SLC35A5: variants seen among roughly 807,000 people sequenced by gnomAD.
The protein encoded by SLC35A5 is UDP-sugar transporter protein SLC35A5.
SLC35A5 carries 28 observed loss-of-function variants against 36.3 expected under a neutral mutation model. That is an observed-to-expected ratio of 0.77 (90% CI 0.57 to 1.06). The LOEUF (loss-of-function observed/expected upper bound fraction) is 1.06. Among genes scored for constraint, SLC35A5 ranks in the 50% least tolerant of loss-of-function variants. SLC35A5 has a pLI of 0.00. For missense variants in SLC35A5, 521 were observed against 499.3 expected, an observed-to-expected ratio of 1.04 and a Z score of -0.41; for synonymous variants, 180 against 173.7, an observed-to-expected ratio of 1.04 and a Z score of -0.29.
intron 1 of SLC35A5, among the ~76,000 whole-genome samples, chr3:112,562,633 C>T (rs975440858): frequency 9.8e-5 from 15 of 152,360 alleles, no homozygotes; most frequent in Non-Finnish European, 1.5e-5. Flanking sequence ...TAAAACTTTA[C>T]AGCAGTGTTT....
At chr3:112,563,672 A>G (rs1934056194) in intron 2 of SLC35A5, 139 bp downstream of exon 2, 2 of 947,486 alleles carry the variant, frequency 2.1e-6, no homozygotes, top group Admixed American at 3.5e-5. Context: ...TTTAAATTTG[A>G]TTATTTAACC....
rs1304162428 is a variant in SLC35A5, at chr3:112,568,532, C to T, written c.131-639C>T. ...CAGTTTAGGATGTAGCTTTCCAACT[C>T]ATCAGTGGGTTTGGATGTGTCCAAG... On this transcript the variant is annotated intron_variant, in intron 2 of 6. Coordinates refer to ENST00000492406, the MANE Select transcript of SLC35A5 (RefSeq NM_017945.5). 2.6e-5 allele frequency among the ~76,000 whole-genome samples: 4 copies of T among 152,228 alleles called. No homozygotes were observed. The East Asian group carries it at 7.7e-4, about 29-fold the overall frequency.
At position 112,583,973 on chromosome 3, in the gene SLC35A5, A is replaced by G. The variant is rs1281118115; in HGVS notation, c.*1237A>G. The G allele has an allele frequency of 6.6e-6, 1 of 152,156 alleles. No homozygotes were observed. Among genetic ancestry groups the G allele is most frequent in the Non-Finnish European group, 1.5e-5 (1 of 68,026 alleles). The allele number at this position is 152,156 out of a possible 1,614,324, so 9.4% of individuals were successfully genotyped here. On this transcript the variant is annotated 3_prime_UTR_variant, in exon 7 of 7. Coordinates refer to ENST00000492406, the MANE Select transcript of SLC35A5 (RefSeq NM_017945.5). ...GGCCTGTATGTTTACAGACTACCAT[A>G]CTGTAAATATGAGCTTTATGGTGTC...
At chr3:112,571,315 G>T (rs943486331) in intron 4 of SLC35A5, among the ~76,000 whole-genome samples, 1 of 152,098 alleles carries the variant, frequency 6.6e-6, no homozygotes, top group African/African-American at 2.4e-5. Context: ...TTATTACTCA[G>T]TTTGGGTCAC....
At chr3:112,578,837 T>C (rs1934772328) in intron 5 of SLC35A5, among the ~76,000 whole-genome samples, 1 of 152,114 alleles carries the variant, frequency 6.6e-6, no homozygotes, top group Non-Finnish European at 1.5e-5. Context: ...CGATTTGCAA[T>C]AATTAATTAT....
chr3:112,580,988 G>C lies in SLC35A5; in HGVS notation c.871G>C (p.Asp291His), dbSNP rs1268993601. 1 of 1,614,008 alleles carries C rather than the reference G, an allele frequency of 6.2e-7. No individual in the cohort carries two copies. The highest frequency in any genetic ancestry group is 1.3e-5 in the African/African-American group (1 of 74,928). The change falls in exon 6 of 7, where the codon GAT (aspartate) becomes CAT (histidine). Residue 291 changes from aspartate (D) to histidine (H), a missense_variant. Asp to His is a moderately conservative substitution (Grantham distance 81, BLOSUM62 -1). Coordinates refer to ENST00000492406, the MANE Select transcript of SLC35A5 (RefSeq NM_017945.5). ...TCTGGGCCTTCAGAGGAGTAACCGT[G>C]ATCAGATTAAGAACTGTGGATTTTT... Reference protein sequence around the residue: ...LTLGLQRSNRDQIKNCGFFYG... With the variant: ...LTLGLQRSNRHQIKNCGFFYG...
In SLC35A5 at chr3:112,569,246, TGTCATTCTGTGTTATA is replaced by T; in HGVS notation, c.207_222del (p.Ser70ArgfsTer9). 6.2e-7 allele frequency: 1 copy of T among 1,613,960 alleles called. No homozygotes were observed. The highest frequency in any genetic ancestry group is 8.5e-7 in the Non-Finnish European group (1 of 1,179,888). Reference sequence around the variant, plus strand: ...GTGAAGCTAGTTTTCTGTGTGCTTGTGTCATTCTGTGTTATAAAGAAAGGTAAGTCTTGAAATGGTA... The same window carrying T: ...GTGAAGCTAGTTTTCTGTGTGCTTGTAAGAAAGGTAAGTCTTGAAATGGTA... On this transcript the variant is annotated frameshift_variant, in exon 3 of 7. Coordinates refer to ENST00000492406, the MANE Select transcript of SLC35A5 (RefSeq NM_017945.5). LOFTEE classifies it high-confidence loss of function.
intron 4 of SLC35A5, 133 bp downstream of exon 4, chr3:112,570,803 C>G: frequency 1.2e-6 from 1 of 844,002 alleles, no homozygotes. Context: ...GAGATTTCCC[C>G]AGAATTATCT....
At position 112,570,596 on chromosome 3, in the gene SLC35A5, A is replaced by G; in HGVS notation, c.286A>G (p.Lys96Glu). Reference protein sequence around the residue: ...ASWKEFSDFMKWSIPAFLYFL... With the variant: ...ASWKEFSDFMEWSIPAFLYFL... ...CTGGAAGGAATTCTCTGATTTCATGAAGTGGTCCATTCCTGCCTTTCTTTA... is the reference window on the plus strand; with the variant it reads ...CTGGAAGGAATTCTCTGATTTCATGGAGTGGTCCATTCCTGCCTTTCTTTA... Residue 96 changes from lysine (K) to glutamate (E), a missense_variant, in exon 4 of 7, where the codon AAG becomes GAG. Lys to Glu is a moderately conservative substitution (Grantham distance 56). Transcript: ENST00000492406. 2 of 1,613,236 alleles carry G rather than the reference A, an allele frequency of 1.2e-6. No homozygotes were observed. The highest frequency in any genetic ancestry group is 1.7e-6 in the Non-Finnish European group (2 of 1,179,558).
At chr3:112,568,618 G>GT in intron 2 of SLC35A5, among the ~76,000 whole-genome samples, 1 of 152,270 alleles carries the variant, frequency 6.6e-6, no homozygotes, top group East Asian at 1.9e-4. Flanking sequence ...GCCTTAGATA[G>GT]TTTCCTTCTT....
At position 112,583,213 on chromosome 3, in the gene SLC35A5, C is replaced by T. The variant is rs572541826; in HGVS notation, c.*477C>T. 8.6e-5 allele frequency: 34 copies of T among 397,608 alleles called. No homozygotes were observed. Among genetic ancestry groups the T allele is most frequent in the South Asian group, 5.1e-4 (4 of 7,788 alleles). The allele number at this position is 397,608 out of a possible 1,614,324, so 24.6% of individuals were successfully genotyped here. Reference sequence around the variant, plus strand: ...TAGTCATTTTGCAAGTAAAGAGCAACGGGACCCTTTCTAAAAACGTTGGTT... The same window carrying T: ...TAGTCATTTTGCAAGTAAAGAGCAATGGGACCCTTTCTAAAAACGTTGGTT... On this transcript the variant is annotated 3_prime_UTR_variant, in exon 7 of 7. Coordinates refer to ENST00000492406, the MANE Select transcript of SLC35A5 (RefSeq NM_017945.5).
intron 6 of SLC35A5, among the ~76,000 whole-genome samples, chr3:112,582,397 G>C (rs1385527): frequency 0.98 from 148,936 of 152,260 alleles, 72,863 homozygotes; most frequent in Admixed American, 0.99. Flanking sequence ...ACCTATTTCT[G>C]TAACCTTTAA....
chr3:112,564,642 G>A (rs1369088454), intron 2 of SLC35A5, among the ~76,000 whole-genome samples: 1 of 152,106 alleles, frequency 6.6e-6, no homozygotes, highest in East Asian at 1.9e-4. Context: ...GTGTCGGGCT[G>A]GGGGACGGTC....
intron 4 of SLC35A5, among the ~76,000 whole-genome samples, chr3:112,572,005 C>T (rs965362085): frequency 1.5e-5 from 2 of 130,592 alleles, no homozygotes; most frequent in African/African-American, 5.8e-5. Flanking sequence ...TGCAGTGGCG[C>T]AATCTCGGCT....
Position 112,581,124 on chromosome 3 carries a change from C to T in SLC35A5, c.1007C>T (p.Ala336Val), listed in dbSNP as rs1481815068. The change falls in exon 6 of 7, where the codon GCC becomes GTC. Residue 336 changes from alanine (A) to valine (V), a missense_variant. Coordinates refer to ENST00000492406, the MANE Select transcript of SLC35A5 (RefSeq NM_017945.5). ...FLDNMFHVLM[A>V]QVTTVIITTV... ...GATAACATGTTCCATGTCTTGATGGCCCAGGTTACCACTGTCATTATCACA... is the reference window on the plus strand; with the variant it reads ...GATAACATGTTCCATGTCTTGATGGTCCAGGTTACCACTGTCATTATCACA... 6.2e-7 allele frequency: 1 copy of T among 1,613,970 alleles called. No individual in the cohort carries two copies. Among genetic ancestry groups the T allele is most frequent in the African/African-American group, 1.3e-5 (1 of 75,014 alleles).
chr3:112,579,741 G>C (rs1306084581), intron 5 of SLC35A5, among the ~76,000 whole-genome samples: 2 of 152,072 alleles, frequency 1.3e-5, no homozygotes, highest in Non-Finnish European at 2.9e-5. Context: ...AAATCATTTA[G>C]TTTCATTGTT....
rs1225701814 is a variant in SLC35A5, at chr3:112,580,532, T to C, written c.429-14T>C. ...GAAAACAGTAGTAAAATCTTTTTTTTCATCTTTGAACAGGAGGCGTCTAAA... is the reference window on the plus strand; with the variant it reads ...GAAAACAGTAGTAAAATCTTTTTTTCCATCTTTGAACAGGAGGCGTCTAAA... On this transcript the variant is annotated splice_polypyrimidine_tract_variant and intron_variant, in intron 5 of 6. Transcript: ENST00000492406. 7.0e-6 allele frequency: 11 copies of C among 1,571,510 alleles called. No individual in the cohort carries two copies. The Admixed American group carries it at 1.8e-4, about 26-fold the overall frequency.
At position 112,584,193 on chromosome 3, in the gene SLC35A5, G is replaced by A. The variant is rs1264302952; in HGVS notation, c.*1457G>A. On this transcript the variant is annotated 3_prime_UTR_variant, in exon 7 of 7. Transcript: ENST00000492406. ...GCCACTCTGTCATTTAGGGTGGGAT[G>A]TAGAGTACTTTTAATCTTAAAAAAT... The A allele has an allele frequency of 6.6e-6, 1 of 152,160 alleles. No homozygotes were observed. Among genetic ancestry groups the A allele is most frequent in the African/African-American group, 2.4e-5 (1 of 41,442 alleles). The allele number at this position is 152,160 out of a possible 1,614,324, so 9.4% of individuals were successfully genotyped here.
rs572578366 is a variant in SLC35A5 at position 112,584,067 on chromosome 3, A to G, written c.*1331A>G. The G allele has an allele frequency of 7.2e-5, 11 of 152,290 alleles. No homozygotes were observed. The highest frequency in any genetic ancestry group is 5.2e-4 in the Admixed American group (8 of 15,288). The allele number at this position is 152,290 out of a possible 1,614,324, so 9.4% of individuals were successfully genotyped here. On this transcript the variant is annotated 3_prime_UTR_variant, in exon 7 of 7. Transcript: ENST00000492406. Reference sequence around the variant, plus strand: ...TTCATGCAGATGAATATAAGGTAATATACTATTATATAATTCATTTGTGAT... The same window carrying G: ...TTCATGCAGATGAATATAAGGTAATGTACTATTATATAATTCATTTGTGAT...
Sources: allele counts gnomAD v4.1 joint callset (sites outside exome capture counted in the v4.1 genomes callset), GRCh38; gene constraint gnomAD v4.1.1; transcripts MANE v1.5; gene names NCBI Gene and HGNC (gene_info 2026-07-23, HGNC 2026-07-21).